CCSER1: variants seen among roughly 807,000 people sequenced by gnomAD.
CCSER1 encodes the protein serine-rich coiled-coil domain-containing protein 1.
CCSER1 carries 41 observed loss-of-function variants against 82.0 expected under a neutral mutation model. The ratio of observed to expected loss-of-function variants is 0.50; its 90% CI spans 0.39 to 0.65. CCSER1 has a LOEUF of 0.65. CCSER1 is among the 30% of genes least tolerant of loss of function. The pLI is 0.00. For missense variants in CCSER1, 1,119 were observed against 1,064.2 expected (o/e 1.05, Z -0.72); for synonymous variants, 414 against 383.9 (o/e 1.08, Z -0.92).
chr4:91,125,046 A>G (rs1461527004), intron 10 of CCSER1, among the ~76,000 whole-genome samples: 2 of 151,792 alleles, frequency 1.3e-5, no homozygotes, highest in South Asian at 2.1e-4. Flanking sequence ...GAAAATATAC[A>G]TAGAAATAAA....
chr4:91,240,107 G>A (rs1739293958), intron 10 of CCSER1, among the ~76,000 whole-genome samples: 1 of 51,158 alleles, frequency 2.0e-5, no homozygotes, highest in Admixed American at 2.2e-4. Context: ...ACAGAGTCTT[G>A]CTCTGTCGCC....
chr4:91,090,381 C>A (rs1351970337), intron 10 of CCSER1, among the ~76,000 whole-genome samples: 1 of 152,122 alleles, frequency 6.6e-6, no homozygotes, highest in Non-Finnish European at 1.5e-5. Context: ...TGGGCTCAAA[C>A]AGTCTGCAAT....
intron 4 of CCSER1, among the ~76,000 whole-genome samples, chr4:90,428,165 A>T (rs1440878386): frequency 6.6e-6 from 1 of 151,896 alleles, no homozygotes; most frequent in Non-Finnish European, 1.5e-5. Context: ...GATTTGTTTT[A>T]TTATGCAGAA....
chr4:91,497,514 A>G lies in CCSER1; in HGVS notation c.2218-101058A>G, dbSNP rs529174468. 1.9e-3 allele frequency among the ~76,000 whole-genome samples: 291 copies of G among 151,958 alleles called. 1 individual carries two copies. The highest frequency in any genetic ancestry group is 6.6e-3 in the African/African-American group (275 of 41,528). ...TCTGTAATGTTTAACATTTCATATA[A>G]AAGAGCTAAATTTGATTCTTCTGAT... On this transcript the variant is annotated intron_variant, in intron 10 of 10. Coordinates refer to ENST00000509176, the MANE Select transcript of CCSER1 (RefSeq NM_001145065.2).
At chr4:91,571,754 G>T (rs781081361) in intron 10 of CCSER1, among the ~76,000 whole-genome samples, 32 of 152,162 alleles carry the variant, frequency 2.1e-4, no homozygotes, top group Admixed American at 3.3e-4. Context: ...ATCCCACAGA[G>T]ATGTAGGCCA....
intron 7 of CCSER1, among the ~76,000 whole-genome samples, chr4:90,761,775 A>G (rs574440963): frequency 1.3e-5 from 2 of 152,258 alleles, no homozygotes; most frequent in Non-Finnish European, 2.9e-5. Flanking sequence ...TAAATGGTGA[A>G]TGGACTCTTT....
intron 7 of CCSER1, chr4:90,781,898 T>A: frequency 1.1e-6 from 1 of 929,350 alleles, no homozygotes; most frequent in Non-Finnish European, 1.3e-6. Context: ...TGATGTACCT[T>A]ACAAAAAAAG....
intron 3 of CCSER1, among the ~76,000 whole-genome samples, chr4:90,343,441 AC>A: frequency 6.6e-6 from 1 of 151,876 alleles, no homozygotes; most frequent in Non-Finnish European, 1.5e-5. Flanking sequence ...ACACGGTGAA[AC>A]CCCGTCTCTA....
chr4:91,042,262 G>C (rs1329153520), intron 9 of CCSER1, among the ~76,000 whole-genome samples: 1 of 152,126 alleles, frequency 6.6e-6, no homozygotes, highest in Non-Finnish European at 1.5e-5. Context: ...TAAGTGTTTG[G>C]TAGTGCATCC....
intron 10 of CCSER1, among the ~76,000 whole-genome samples, chr4:91,466,985 A>C (rs1756950686): frequency 6.6e-6 from 1 of 152,248 alleles, no homozygotes; most frequent in Non-Finnish European, 1.5e-5. Flanking sequence ...GACTTTCTTC[A>C]CAGAATTAGA....
intron 8 of CCSER1, among the ~76,000 whole-genome samples, chr4:90,909,386 G>A (rs1373661154): frequency 6.6e-6 from 1 of 152,106 alleles, no homozygotes; most frequent in Non-Finnish European, 1.5e-5. Context: ...ATAAAAGGTG[G>A]TGGTGGCTTG....
chr4:90,475,634 C>G (rs142871282), intron 5 of CCSER1, among the ~76,000 whole-genome samples: 2 of 152,130 alleles, frequency 1.3e-5, no homozygotes, highest in African/African-American at 4.8e-5. Flanking sequence ...GGTGAAAAAT[C>G]GCTGGCCAGC....
chr4:90,591,511 C>T (rs962584408), intron 5 of CCSER1, among the ~76,000 whole-genome samples: 1 of 152,124 alleles, frequency 6.6e-6, no homozygotes, highest in Non-Finnish European at 1.5e-5. Context: ...GTTAGAATGG[C>T]AATCATTAAA....
chr4:90,248,022 A>T (rs72877725), intron 1 of CCSER1, among the ~76,000 whole-genome samples: 6,807 of 152,238 alleles, frequency 0.045, 397 homozygotes, highest in African/African-American at 0.13. Context: ...AGCTGTCTAC[A>T]TTCATTAAAT....
At chr4:90,619,330 C>A (rs1001045004) in intron 5 of CCSER1, among the ~76,000 whole-genome samples, 1 of 151,730 alleles carries the variant, frequency 6.6e-6, no homozygotes, top group Admixed American at 6.6e-5. Context: ...CTGATCCCCG[C>A]AAGAGAAAAA....
chr4:91,474,938 G>A (rs1365957779), intron 10 of CCSER1, among the ~76,000 whole-genome samples: 1 of 151,476 alleles, frequency 6.6e-6, no homozygotes, highest in African/African-American at 2.4e-5. Flanking sequence ...ATCATTGCAT[G>A]TTTATTTATT....
chr4:91,370,012 C>T (rs1159719734), intron 10 of CCSER1, among the ~76,000 whole-genome samples: 1 of 151,654 alleles, frequency 6.6e-6, no homozygotes, highest in South Asian at 2.1e-4. Context: ...GATTACTGAA[C>T]CCTTACTTCT....
intron 10 of CCSER1, among the ~76,000 whole-genome samples, chr4:91,110,513 A>C (rs1365696157): frequency 6.6e-6 from 1 of 151,988 alleles, no homozygotes; most frequent in Non-Finnish European, 1.5e-5. Context: ...ACCACATCCC[A>C]CACTGAATAG....
At chr4:90,330,448 C>A (rs1033978261) in intron 3 of CCSER1, among the ~76,000 whole-genome samples, 1 of 152,222 alleles carries the variant, frequency 6.6e-6, no homozygotes, top group African/African-American at 2.4e-5. Context: ...CACAGTGATT[C>A]TCACTTTATC....
Sources: gnomAD v4.1 joint callset for allele counts (sites outside exome capture counted in the v4.1 genomes callset) on GRCh38, gnomAD v4.1.1 for gene constraint, MANE v1.5 for transcripts, NCBI Gene and HGNC (gene_info 2026-07-23, HGNC 2026-07-21) for gene names.